The following TLX1 variants were observed in gnomAD, a reference collection of about 807,000 sequenced individuals.
The protein encoded by TLX1 is T-cell leukemia homeobox protein 1.
Under a neutral mutation model 26.5 loss-of-function variants are expected in TLX1, and 6 were observed. That is an observed-to-expected ratio of 0.23 (90% CI 0.12 to 0.45). The LOEUF (loss-of-function observed/expected upper bound fraction) is 0.45, where lower values mean the gene tolerates loss of function less well. Ranked by LOEUF, TLX1 falls within the 20% of genes least tolerant of loss-of-function variation. TLX1 has a pLI of 0.99. For synonymous variants in TLX1, 217 were observed against 219.7 expected, an observed-to-expected ratio of 0.99 and a Z score of 0.11; for missense variants, 418 against 482.6, an observed-to-expected ratio of 0.87 and a Z score of 1.25.
Position 101,131,754 on chromosome 10 carries a change from G to T in TLX1, c.213G>T (p.Ala71=). 7.1e-7 allele frequency: 1 copy of T among 1,416,374 alleles called. No homozygotes were observed. Among genetic ancestry groups the T allele is most frequent in the East Asian group, 3.0e-5 (1 of 33,736 alleles). The allele number at this position is 1,416,374 out of a possible 1,614,324, so 87.7% of individuals were successfully genotyped here. The change falls in exon 1 of 3, where the codon GCG becomes GCT. Residue 71 remains alanine, a synonymous_variant. Coordinates refer to ENST00000370196, the MANE Select transcript of TLX1 (RefSeq NM_005521.4). ...CGGCCGCGACGGGGGCTGGAGGAGC[G>T]GGGGCCTATGGTACTGGAGGTCCCG... ...GSAAATGAGG[A]GAYGTGGPGG...
In TLX1 at chr10:101,131,309, G is replaced by A. The variant is rs545226571; in HGVS notation, c.-233G>A. The A allele has an allele frequency of 2.4e-5, 10 of 416,014 alleles. No individual in the cohort carries two copies. The highest frequency in any genetic ancestry group is 1.8e-4 in the African/African-American group (9 of 48,660). 25.8% of individuals were successfully genotyped at this position (416,014 alleles called of 1,614,324 possible). A position where few individuals can be genotyped will look rare whatever the true frequency, so the allele number is the denominator to read the frequency against. ...TTTTCGCCTGGTGATTGATGTCCCAGAGTCAACAGCGAGCGAGCAGCCGGA... is the reference window on the plus strand; with the variant it reads ...TTTTCGCCTGGTGATTGATGTCCCAAAGTCAACAGCGAGCGAGCAGCCGGA... On this transcript the variant is annotated 5_prime_UTR_variant, in exon 1 of 3. Coordinates refer to ENST00000370196, the MANE Select transcript of TLX1 (RefSeq NM_005521.4).
intron 2 of TLX1, among the ~76,000 whole-genome samples, chr10:101,136,378 G>A (rs2075879): frequency 0.23 from 35,301 of 152,082 alleles, 4,354 homozygotes; most frequent in South Asian, 0.41. Context: ...ATCCTACCCC[G>A]GCTGCCCCTT....
rs1221194452 is a variant in TLX1 at position 101,136,889 on chromosome 10, G to A, written c.969G>A (p.Thr323=). The A allele has an allele frequency of 1.9e-6, 3 of 1,613,530 alleles. No homozygotes were observed. The highest frequency in any genetic ancestry group is 2.5e-6 in the Non-Finnish European group (3 of 1,180,016). ...SDDSTKITSV[T]SVASACE ...ACTCGACCAAAATCACTAGCGTCAC[G>A]TCGGTGGCGTCGGCCTGCGAGTGAG... is the stretch of plus-strand genomic sequence containing the variant. The change falls in exon 3 of 3, where the codon ACG becomes ACA. Residue 323 remains threonine, a synonymous_variant. Coordinates refer to ENST00000370196, the MANE Select transcript of TLX1 (RefSeq NM_005521.4).
At position 101,137,284 on chromosome 10, in the gene TLX1, C is replaced by T. The variant is rs1165509588; in HGVS notation, c.*371C>T. ...TCATCTGAATTTGCCCTGGGAAACC[C>T]CTTCTCTGTGACCCACTTCTCATCA... On this transcript the variant is annotated 3_prime_UTR_variant, in exon 3 of 3. Transcript: ENST00000370196. 3.0e-5 allele frequency: 10 copies of T among 338,556 alleles called. No individual in the cohort carries two copies. In the East Asian group the frequency reaches 4.3e-4, roughly 14 times the overall value. 21.0% of individuals were successfully genotyped at this position (338,556 alleles called of 1,614,324 possible).
chr10:101,136,560 C>T (rs530211389), intron 2 of TLX1, 131 bp from the exon 3 acceptor site: 2 of 1,509,990 alleles, frequency 1.3e-6, no homozygotes, highest in South Asian at 1.1e-5. Context: ...TATAGGGGCC[C>T]AAACTGGATT....
rs990278210 is a variant in TLX1, at chr10:101,132,939, C to G, written c.568+830C>G. 6.5e-6 allele frequency: 1 copy of G among 153,204 alleles called. No individual in the cohort carries two copies. The highest frequency in any genetic ancestry group is 1.5e-5 in the Non-Finnish European group (1 of 68,888). 9.5% of individuals were successfully genotyped at this position (153,204 alleles called of 1,614,324 possible). On this transcript the variant is annotated intron_variant, in intron 1 of 2. Transcript: ENST00000370196. This position sits in a 1 kb window ranked among gnomAD's most constrained non-coding sequence, Gnocchi z 4.1. ...GCCCTGGCTCCCTCTGCTCCCGTTT[C>G]CACTCTGGGCACTCAACTCTCCCTC...
At position 101,131,872 on chromosome 10, in the gene TLX1, C is replaced by G. The variant is rs1590126390; in HGVS notation, c.331C>G (p.Pro111Ala). The G allele has an allele frequency of 7.1e-7, 1 of 1,404,208 alleles. No individual in the cohort carries two copies. The highest frequency in any genetic ancestry group is 9.2e-7 in the Non-Finnish European group (1 of 1,086,194). The allele number at this position is 1,404,208 out of a possible 1,614,324, so 87.0% of individuals were successfully genotyped here. A position where few individuals can be genotyped will look rare whatever the true frequency, so the allele number is the denominator to read the frequency against. The change falls in exon 1 of 3, where the codon CCC becomes GCC. Residue 111 changes from proline (P) to alanine (A), a missense_variant. By Grantham distance (27) the Pro-to-Ala change is conservative. Transcript: ENST00000370196. ...CGTGAACATGGCCTTGGCAGGCGGC[C>G]CCGGTCCTGGCGGCGGCGGCGGCAG... is the stretch of plus-strand genomic sequence containing the variant. Reference protein sequence around the residue: ...YNVNMALAGGPGPGGGGGSSG... With the variant: ...YNVNMALAGGAGPGGGGGSSG...
rs749671795 is a variant in TLX1, at chr10:101,131,500, C to G, written c.-42C>G. 3 of 1,391,042 alleles carry G rather than the reference C, an allele frequency of 2.2e-6. No individual in the cohort carries two copies. In the South Asian group the frequency reaches 5.4e-5, roughly 25 times the overall value. The allele number at this position is 1,391,042 out of a possible 1,614,324, so 86.2% of individuals were successfully genotyped here. On this transcript the variant is annotated 5_prime_UTR_variant, in exon 1 of 3. Coordinates refer to ENST00000370196, the MANE Select transcript of TLX1 (RefSeq NM_005521.4). ...TAGCTGCCCCCCGAGCCGAGCGCAG[C>G]GAGCGCCGCCGCCCGGGCCCCCCGG...
intron 2 of TLX1, chr10:101,135,252 A>G (rs920662548): frequency 2.0e-5 from 3 of 152,422 alleles, no homozygotes; most frequent in African/African-American, 7.2e-5. Flanking sequence ...CTCAGGCCCC[A>G]TGGGGTAGCG....
In TLX1 at chr10:101,132,255, G is replaced by A; in HGVS notation, c.568+146G>A. On this transcript the variant is annotated intron_variant, in intron 1 of 2. Coordinates refer to ENST00000370196, the MANE Select transcript of TLX1 (RefSeq NM_005521.4). This position sits in a 1 kb window ranked among gnomAD's most constrained non-coding sequence, Gnocchi z 4.1. ...TTCCCCCAAGTTGAGCCGCCCGCCC[G>A]ATTCTATAACGCAGACTCGCCATGC... is the stretch of plus-strand genomic sequence containing the variant. The A allele has an allele frequency of 3.0e-6, 2 of 674,014 alleles. No individual in the cohort carries two copies. Among genetic ancestry groups the A allele is most frequent in the Middle Eastern group, 4.5e-4 (1 of 2,216 alleles). 41.8% of individuals were successfully genotyped at this position (674,014 alleles called of 1,614,324 possible).
In TLX1 at chr10:101,137,701, G is replaced by T. The variant is rs982230123; in HGVS notation, c.*788G>T. 1.3e-4 allele frequency: 30 copies of T among 232,536 alleles called. No individual in the cohort carries two copies. Among genetic ancestry groups the T allele is most frequent in the African/African-American group, 6.4e-4 (29 of 45,404 alleles). The allele number at this position is 232,536 out of a possible 1,614,324, so 14.4% of individuals were successfully genotyped here. ...GAGGGGTGGGGGGGTGTTAATTTAT[G>T]CACTTATAAGGTGTTTTCTGTGTAA... On this transcript the variant is annotated 3_prime_UTR_variant, in exon 3 of 3. Transcript: ENST00000370196.
At chr10:101,133,847 C>A (rs994168340) in intron 1 of TLX1, among the ~76,000 whole-genome samples, 1 of 152,164 alleles carries the variant, frequency 6.6e-6, no homozygotes, top group African/African-American at 2.4e-5. Context: ...GGGAGCGTGA[C>A]CATTAGCTCG....
In TLX1 at chr10:101,131,656, C is replaced by G. The variant is rs759053139; in HGVS notation, c.115C>G (p.Arg39Gly). The change falls in exon 1 of 3, where the codon CGC becomes GGC. Residue 39 changes from arginine (R) to glycine (G), a missense_variant. By Grantham distance (125) the Arg-to-Gly change is moderately radical. Around this residue, in one of 3 missense-constraint regions of TLX1, gnomAD observed 322 missense variants for 344.6 expected, o/e 0.93. Coordinates refer to ENST00000370196, the MANE Select transcript of TLX1 (RefSeq NM_005521.4). The stretch of plus-strand genomic sequence containing the variant: ...GGGTGGCTGCATGGGACCCGCCTCG[C>G]GCCTCCAGGACGGAGAATACGGCCT... Reference protein sequence around the residue: ...DQGGCMGPASRLQDGEYGLGC... With the variant: ...DQGGCMGPASGLQDGEYGLGC... 1.3e-6 allele frequency: 2 copies of G among 1,564,346 alleles called. No individual in the cohort carries two copies.
chr10:101,137,012 C>G lies in TLX1; in HGVS notation c.*99C>G. ...CCACCCTCCTGGCCTCAGACTGCACCCAGGAGGGGAACACTGCCCTCGCAC... is the reference window on the plus strand; with the variant it reads ...CCACCCTCCTGGCCTCAGACTGCACGCAGGAGGGGAACACTGCCCTCGCAC... On this transcript the variant is annotated 3_prime_UTR_variant, in exon 3 of 3. Coordinates refer to ENST00000370196, the MANE Select transcript of TLX1 (RefSeq NM_005521.4). 1.4e-6 allele frequency: 2 copies of G among 1,455,822 alleles called. No homozygotes were observed. Among genetic ancestry groups the G allele is most frequent in the African/African-American group, 1.4e-5 (1 of 71,524 alleles). 90.2% of individuals were successfully genotyped at this position (1,455,822 alleles called of 1,614,324 possible).
chr10:101,134,962 T>C (rs1214262022), intron 2 of TLX1, among the ~76,000 whole-genome samples: 2 of 152,210 alleles, frequency 1.3e-5, no homozygotes, highest in African/African-American at 4.8e-5. Context: ...CGGGTCCCAC[T>C]GGAAGGGGAA....
intron 1 of TLX1, 73 bp from the exon 2 acceptor site, chr10:101,134,102 C>A: frequency 7.0e-7 from 1 of 1,429,720 alleles, no homozygotes; most frequent in Non-Finnish European, 9.5e-7. Flanking sequence ...TGACGCTCTG[C>A]TGCTTGCCTC....
chr10:101,136,705 A>G lies in TLX1; in HGVS notation c.785A>G (p.Glu262Gly), dbSNP rs1940301377. Residue 262 changes from glutamate (E) to glycine (G), a missense_variant, in exon 3 of 3, where the codon GAG becomes GGG. Transcript: ENST00000370196. ...RRTKWRRQTAEEREAERQQAN... is the reference protein window; with the variant it reads ...RRTKWRRQTAGEREAERQQAN... ...TCCCGGTGCAGACGGCAGACTGCGG[A>G]GGAACGGGAGGCCGAGAGGCAGCAA... is the stretch of plus-strand genomic sequence containing the variant. The G allele has an allele frequency of 2.5e-6, 4 of 1,612,536 alleles. No homozygotes were observed. Among genetic ancestry groups the G allele is most frequent in the Admixed American group, 1.7e-5 (1 of 60,002 alleles).
Position 101,131,485 on chromosome 10 carries a change from C to A in TLX1, c.-57C>A. 5 of 1,363,862 alleles carry A rather than the reference C, an allele frequency of 3.7e-6. No individual in the cohort carries two copies. In the South Asian group the frequency reaches 5.6e-5, roughly 15 times the overall value. 84.5% of individuals were successfully genotyped at this position (1,363,862 alleles called of 1,614,324 possible). On this transcript the variant is annotated 5_prime_UTR_variant, in exon 1 of 3. Transcript: ENST00000370196. ...CCTCCCAGCCCCTGCTAGCTGCCCCCCGAGCCGAGCGCAGCGAGCGCCGCC... is the reference window on the plus strand; with the variant it reads ...CCTCCCAGCCCCTGCTAGCTGCCCCACGAGCCGAGCGCAGCGAGCGCCGCC...
intron 2 of TLX1, 126 bp from the exon 3 acceptor site, chr10:101,136,565 T>C: frequency 6.6e-7 from 1 of 1,524,172 alleles, no homozygotes; most frequent in Non-Finnish European, 9.0e-7. Flanking sequence ...GGGCCCAAAC[T>C]GGATTTGGGG....
Sources: gnomAD v4.1 joint callset for allele counts (sites outside exome capture counted in the v4.1 genomes callset) on GRCh38, gnomAD v4.1.1 for gene constraint, gnomAD v4.1.1 regional missense constraint, Gnocchi (gnomAD v3.1) non-coding constraint, MANE v1.5 for transcripts, NCBI Gene and HGNC (gene_info 2026-07-23, HGNC 2026-07-21) for gene names.